COL5A2: variants seen among roughly 807,000 people sequenced by gnomAD.
COL5A2 encodes the protein collagen type V alpha 2 chain.
COL5A2 carries 23 observed loss-of-function variants against 208.2 expected under a neutral mutation model. The ratio of observed to expected loss-of-function variants is 0.11; its 90% CI spans 0.08 to 0.16. The LOEUF is 0.16. Among genes scored for constraint, COL5A2 ranks in the 10% least tolerant of loss-of-function variants. COL5A2 has a pLI of 1.00. For synonymous variants in COL5A2, 625 were observed against 628.5 expected, an observed-to-expected ratio of 0.99 and a Z score of 0.08; for missense variants, 1,590 against 1,956.4, an observed-to-expected ratio of 0.81 and a Z score of 3.53.
At chr2:189,180,275 T>C, upstream of COL5A2, among the ~76,000 whole-genome samples, 1 of 152,184 alleles carries the variant, frequency 6.6e-6, no homozygotes, top group East Asian at 1.9e-4. Context: ...TTTCCCATAC[T>C]CTGGAAGGAG....
At chr2:189,284,182 CA>C in the COL5A2 span, among the ~76,000 whole-genome samples, 6 of 151,988 alleles carry the variant, frequency 3.9e-5, no homozygotes, top group Non-Finnish European at 8.8e-5. Flanking sequence ...AGTTGGAAAA[CA>C]AAAGTGTTTT....
upstream of COL5A2, among the ~76,000 whole-genome samples, chr2:189,225,342 T>TA (rs1251093565): frequency 6.6e-6 from 1 of 152,022 alleles, no homozygotes; most frequent in Non-Finnish European, 1.5e-5. Context: ...CCTAATGAGG[T>TA]AAAAATAAAG....
chr2:189,355,903 A>C, the COL5A2 span, among the ~76,000 whole-genome samples: 1 of 152,148 alleles, frequency 6.6e-6, no homozygotes, highest in South Asian at 2.1e-4. Context: ...ATGTTTTTGC[A>C]GTGGCTGGTA....
the COL5A2 span, among the ~76,000 whole-genome samples, chr2:189,301,779 T>C: frequency 2.0e-5 from 3 of 152,178 alleles, no homozygotes; most frequent in Non-Finnish European, 4.4e-5. Flanking sequence ...TCATAAAATA[T>C]TCATATTGTT....
At chr2:189,404,408 G>C in the COL5A2 span, among the ~76,000 whole-genome samples, 46 of 152,146 alleles carry the variant, frequency 3.0e-4, no homozygotes, top group Admixed American at 1.3e-3. Flanking sequence ...CCTGTGTTTT[G>C]AGCCTTTGGA....
chr2:189,174,940 C>G (rs1314123138), intron 1 of COL5A2, among the ~76,000 whole-genome samples: 1 of 152,100 alleles, frequency 6.6e-6, no homozygotes, highest in African/African-American at 2.4e-5. Flanking sequence ...AAAATGTAGC[C>G]TAATATTTAT....
chr2:189,202,636 A>AT (rs1226909977), intron 1 of COL5A2, among the ~76,000 whole-genome samples: 1 of 152,130 alleles, frequency 6.6e-6, no homozygotes, highest in African/African-American at 2.4e-5. Context: ...TGGAGGGTAA[A>AT]TTGACATTGA....
chr2:189,100,314 A>G (rs1687023051), intron 3 of COL5A2, among the ~76,000 whole-genome samples, 175 bp from the exon 4 acceptor site: 1 of 152,182 alleles, frequency 6.6e-6, no homozygotes, highest in South Asian at 2.1e-4. Context: ...GATATTACTC[A>G]TTAAAATATT....
At chr2:189,326,292 A>G in the COL5A2 span, among the ~76,000 whole-genome samples, 2 of 152,272 alleles carry the variant, frequency 1.3e-5, no homozygotes, top group East Asian at 3.9e-4. Flanking sequence ...TTTATTTTAA[A>G]AGTTTAATTT....
At chr2:189,260,696 G>T in the COL5A2 span, among the ~76,000 whole-genome samples, 1 of 152,120 alleles carries the variant, frequency 6.6e-6, no homozygotes, top group African/African-American at 2.4e-5. Flanking sequence ...AATGGCATTT[G>T]GCAAAAGGTA....
At chr2:189,298,197 A>G in the COL5A2 span, among the ~76,000 whole-genome samples, 1 of 152,122 alleles carries the variant, frequency 6.6e-6, no homozygotes, top group Non-Finnish European at 1.5e-5. Context: ...GAGAGAAACA[A>G]GTGCCTTTTT....
chr2:189,230,716 A>G, the COL5A2 span, among the ~76,000 whole-genome samples: 3 of 151,888 alleles, frequency 2.0e-5, no homozygotes, highest in African/African-American at 7.2e-5. Context: ...GATGTAGACA[A>G]ATTGGAACAC....
the COL5A2 span, among the ~76,000 whole-genome samples, chr2:189,289,432 T>C: frequency 6.6e-6 from 1 of 151,948 alleles, no homozygotes. Flanking sequence ...AACATCATAC[T>C]CAATTGTGAA....
chr2:189,204,258 T>G (rs1689116865), intron 1 of COL5A2, among the ~76,000 whole-genome samples: 1 of 152,204 alleles, frequency 6.6e-6, no homozygotes, highest in African/African-American at 2.4e-5. Context: ...TATGCTATTT[T>G]ATAGAGAAGT....
At chr2:189,164,880 C>T (rs1387119145) in intron 1 of COL5A2, among the ~76,000 whole-genome samples, 1 of 152,164 alleles carries the variant, frequency 6.6e-6, no homozygotes, top group Admixed American at 6.5e-5. Context: ...GGGCCAGTTG[C>T]TATCTGGACT....
the COL5A2 span, among the ~76,000 whole-genome samples, chr2:189,395,216 T>C: frequency 3.9e-3 from 592 of 152,328 alleles, 7 homozygotes; most frequent in African/African-American, 0.013. Context: ...ATTTTTAACA[T>C]TGTTTAAAGA....
At chr2:189,112,040 T>A (rs1369678496) in intron 1 of COL5A2, among the ~76,000 whole-genome samples, 1 of 151,964 alleles carries the variant, frequency 6.6e-6, no homozygotes. Flanking sequence ...GAATTTTTGT[T>A]TTAGTGGAGA....
intron 2 of COL5A2, among the ~76,000 whole-genome samples, chr2:189,107,655 T>C (rs1487239526): frequency 4.0e-5 from 6 of 151,616 alleles, no homozygotes; most frequent in Non-Finnish European, 7.4e-5. Flanking sequence ...TATATAAGCA[T>C]AGAACTATGA....
chr2:189,134,284 CTA>C (rs894903075), intron 1 of COL5A2, among the ~76,000 whole-genome samples: 1 of 152,076 alleles, frequency 6.6e-6, no homozygotes, highest in African/African-American at 2.4e-5. Flanking sequence ...TTGCTAGACT[CTA>C]TTTTTAAAGT....
Sources: gnomAD v4.1 joint callset for allele counts (sites outside exome capture counted in the v4.1 genomes callset) on GRCh38, gnomAD v4.1.1 for gene constraint, MANE v1.5 for transcripts, NCBI Gene and HGNC (gene_info 2026-07-23, HGNC 2026-07-21) for gene names.